PPHLN1: variants seen among roughly 807,000 people sequenced by gnomAD.
PPHLN1 encodes the protein periphilin-1.
A neutral mutation model predicts 51.3 loss-of-function variants in PPHLN1; 29 were observed. That is an observed-to-expected ratio of 0.57 (90% CI 0.42 to 0.77). The LOEUF (loss-of-function observed/expected upper bound fraction) is 0.77. Ranked by LOEUF, PPHLN1 falls within the 30% of genes least tolerant of loss-of-function variation. PPHLN1 has a pLI of 0.00. For synonymous variants in PPHLN1, 147 were observed against 147.8 expected, an observed-to-expected ratio of 0.99 and a Z score of 0.04; for missense variants, 436 against 438.4, an observed-to-expected ratio of 0.99 and a Z score of 0.05.
chr12:42,330,681 A>G (rs887448060), intron 1 of PPHLN1, among the ~76,000 whole-genome samples: 1 of 152,166 alleles, frequency 6.6e-6, no homozygotes, highest in Non-Finnish European at 1.5e-5. Context: ...AAGGCAAAAC[A>G]ATTGTTCAGG....
At chr12:42,370,943 C>A (rs979364010) in intron 4 of PPHLN1, among the ~76,000 whole-genome samples, 2 of 151,802 alleles carry the variant, frequency 1.3e-5, no homozygotes, top group Admixed American at 1.3e-4. Context: ...ATAGCTGGGA[C>A]TACAGACACA....
chr12:42,329,108 T>TTTTTTTTTTTTG (rs1555174843), intron 1 of PPHLN1, among the ~76,000 whole-genome samples: 73 of 124,982 alleles, frequency 5.8e-4, no homozygotes, highest in African/African-American at 2.1e-3. Flanking sequence ...TTTTTTTTTT[T>TTTTTTTTTTTTG]TGTGTGTGTG....
intron 1 of PPHLN1, among the ~76,000 whole-genome samples, chr12:42,330,413 G>C (rs113871367): frequency 6.6e-6 from 1 of 152,204 alleles, no homozygotes; most frequent in Non-Finnish European, 1.5e-5. Flanking sequence ...CATATCTCAG[G>C]CTGTCTCATT....
rs899079282 is a variant in PPHLN1, at chr12:42,375,305, C to T, written c.511+231C>T. The T allele has an allele frequency of 3.5e-5, 9 of 256,886 alleles. No individual in the cohort carries two copies. In the East Asian group the frequency reaches 6.5e-4, roughly 18 times the overall value. 15.9% of individuals were successfully genotyped at this position (256,886 alleles called of 1,614,324 possible). A position where few individuals can be genotyped will look rare whatever the true frequency, so the allele number is the denominator to read the frequency against. On this transcript the variant is annotated intron_variant, in intron 5 of 9. Transcript: ENST00000358314. ...TGACACTTACCTTTAATTTCTTCAG[C>T]ATGTAAAAGGTTTTTTTTTTTTTTT...
chr12:42,353,141 A>G (rs1157156241), intron 3 of PPHLN1, among the ~76,000 whole-genome samples: 2 of 151,918 alleles, frequency 1.3e-5, no homozygotes, highest in Non-Finnish European at 2.9e-5. Flanking sequence ...GCTTCTCTTG[A>G]GCATTCTTAA....
chr12:42,339,746 C>A (rs796874440), intron 2 of PPHLN1, among the ~76,000 whole-genome samples: 1 of 152,126 alleles, frequency 6.6e-6, no homozygotes, highest in African/African-American at 2.4e-5. Context: ...GGTTTCATTG[C>A]TGTAATTTCA....
At chr12:42,432,357 C>T (rs1462445325) in intron 9 of PPHLN1, 1 of 740,688 alleles carries the variant, frequency 1.4e-6, no homozygotes, top group Admixed American at 1.8e-5. Context: ...TGTTCTACTT[C>T]CTTTAGATAA....
chr12:42,403,935 A>T (rs1565951701), intron 9 of PPHLN1, among the ~76,000 whole-genome samples: 2 of 151,758 alleles, frequency 1.3e-5, no homozygotes, highest in Non-Finnish European at 2.9e-5. Context: ...TAGGTCAACA[A>T]TTTTTTTTAG....
chr12:42,327,608 A>T (rs1711570426), intron 1 of PPHLN1, among the ~76,000 whole-genome samples: 1 of 152,140 alleles, frequency 6.6e-6, no homozygotes, highest in African/African-American at 2.4e-5. Context: ...AGAGTTAGGT[A>T]TTTTTGCTAT....
chr12:42,345,328 T>C (rs1399238535), intron 2 of PPHLN1, among the ~76,000 whole-genome samples: 1 of 152,088 alleles, frequency 6.6e-6, no homozygotes, highest in Non-Finnish European at 1.5e-5. Flanking sequence ...TTAAATTTCA[T>C]TGAAGTATAA....
At chr12:42,328,259 G>A (rs1388388167) in intron 1 of PPHLN1, among the ~76,000 whole-genome samples, 1 of 152,166 alleles carries the variant, frequency 6.6e-6, no homozygotes, top group African/African-American at 2.4e-5. Flanking sequence ...GCACAGTAAG[G>A]AAACAGGCAT....
intron 2 of PPHLN1, chr12:42,347,007 T>TC (rs1178872241): frequency 6.6e-6 from 1 of 152,226 alleles, no homozygotes; most frequent in African/African-American, 2.4e-5. Flanking sequence ...CACCTTAGCC[T>TC]CCCAAGTATC....
At chr12:42,428,837 T>TTA (rs2081760710) in intron 9 of PPHLN1, among the ~76,000 whole-genome samples, 1 of 150,336 alleles carries the variant, frequency 6.7e-6, no homozygotes, top group Admixed American at 6.6e-5. Context: ...TTTTTTTTTT[T>TTA]AACTTAAGGG....
intron 1 of PPHLN1, among the ~76,000 whole-genome samples, chr12:42,333,532 G>A (rs968210548): frequency 8.6e-5 from 13 of 151,108 alleles, no homozygotes; most frequent in Admixed American, 4.0e-4. Context: ...GCCCAGGCTG[G>A]AGTGCAGTGG....
intron 1 of PPHLN1, among the ~76,000 whole-genome samples, chr12:42,330,819 C>A (rs1417951747): frequency 6.6e-6 from 1 of 152,194 alleles, no homozygotes; most frequent in African/African-American, 2.4e-5. Context: ...AAGCGATTCT[C>A]TTGCCTCAGC....
intron 4 of PPHLN1, among the ~76,000 whole-genome samples, chr12:42,365,115 A>C (rs1446220428): frequency 6.6e-6 from 1 of 152,182 alleles, no homozygotes; most frequent in African/African-American, 2.4e-5. Flanking sequence ...GATAGGATAG[A>C]AGAAGAGGTG....
chr12:42,432,115 G>A, intron 9 of PPHLN1: 1 of 1,417,528 alleles, frequency 7.1e-7, no homozygotes, highest in Admixed American at 1.7e-5. Context: ...CTTCCTCCTG[G>A]GCATCTCCTG....
At chr12:42,332,550 G>A (rs2069916951) in intron 1 of PPHLN1, 3 of 706,096 alleles carry the variant, frequency 4.2e-6, no homozygotes, top group South Asian at 1.8e-5. Flanking sequence ...TTTGAAGCGA[G>A]TTTGGCCTGA....
chr12:42,340,553 T>C (rs140009417), intron 2 of PPHLN1, among the ~76,000 whole-genome samples: 122 of 152,314 alleles, frequency 8.0e-4, no homozygotes, highest in African/African-American at 2.8e-3. Flanking sequence ...ACAAATATAA[T>C]ATTAAAAGAA....
Sources: allele counts gnomAD v4.1 joint callset (sites outside exome capture counted in the v4.1 genomes callset), GRCh38; gene constraint gnomAD v4.1.1; transcripts MANE v1.5; gene names NCBI Gene and HGNC (gene_info 2026-07-23, HGNC 2026-07-21).